Variants in DLGAP2 observed in about 807,000 individuals in gnomAD.
DLGAP2 encodes the protein DLG associated protein 2.
Under a neutral mutation model 100.3 loss-of-function variants are expected in DLGAP2, and 26 were observed. That is an observed-to-expected ratio of 0.26 (90% CI 0.19 to 0.36). The LOEUF is 0.36. Among genes scored for constraint, DLGAP2 ranks in the 10% least tolerant of loss-of-function variants. The probability of loss-of-function intolerance (pLI) is 1.00; values close to 1 mark genes in which losing one functional copy is unlikely to be tolerated. For missense variants in DLGAP2, 1,858 were observed against 1,453.2 expected (o/e 1.28, Z -4.53); for synonymous variants, 886 against 630.1 (o/e 1.41, Z -6.08).
chr8:1,417,543 G>T (rs1447462017), intron 3 of DLGAP2, among the ~76,000 whole-genome samples: 2 of 152,162 alleles, frequency 1.3e-5, no homozygotes, highest in Non-Finnish European at 2.9e-5. Context: ...GAATGCAATG[G>T]GGATCCGAAG....
chr8:1,707,322 T>C lies in DLGAP2; in HGVS notation c.*5916T>C, dbSNP rs141936048. On this transcript the variant is annotated 3_prime_UTR_variant, in exon 15 of 15. Coordinates refer to ENST00000637795, the MANE Select transcript of DLGAP2 (RefSeq NM_001346810.2). ...AGTAGACCATGGTCTCCCTAGAGAG[T>C]GTGTTGGCTTGTGTCTGCCAGTACG... is the stretch of plus-strand genomic sequence containing the variant. The C allele has an allele frequency of 8.5e-5, 13 of 152,332 alleles. No homozygotes were observed. In the East Asian group the frequency reaches 2.5e-3, roughly 29 times the overall value. The allele number at this position is 152,332 out of a possible 1,614,324, so 9.4% of individuals were successfully genotyped here.
At chr8:847,303 C>T (rs1172185252) in intron 1 of DLGAP2, among the ~76,000 whole-genome samples, 1 of 152,122 alleles carries the variant, frequency 6.6e-6, no homozygotes. Flanking sequence ...TTAATCTTTG[C>T]ACTGTTTTTA....
At chr8:1,383,352 G>A (rs566334044) in intron 3 of DLGAP2, among the ~76,000 whole-genome samples, 2 of 152,334 alleles carry the variant, frequency 1.3e-5, no homozygotes, top group East Asian at 3.9e-4. Flanking sequence ...CATGCCAGAT[G>A]CTAAAAACAT....
chr8:1,295,866 C>T (rs1294125023), intron 3 of DLGAP2, among the ~76,000 whole-genome samples: 1 of 152,122 alleles, frequency 6.6e-6, no homozygotes, highest in Non-Finnish European at 1.5e-5. Context: ...ATGGCACCTG[C>T]CTGGGAATTG....
At chr8:915,953 G>A (rs781274451) in intron 2 of DLGAP2, among the ~76,000 whole-genome samples, 20 of 147,818 alleles carry the variant, frequency 1.4e-4, no homozygotes, top group Admixed American at 5.4e-4. Flanking sequence ...TTTTCTGCCC[G>A]TCCGTCAGTT....
rs532708821 is a variant in DLGAP2 at position 1,507,188 on chromosome 8, C to T, written c.172+5757C>T. ...TCAGCCCTTGGAGGGTCAATGGGACCGGGCGCCGCGGAGCAGGGGGCAGCG... is the reference window on the plus strand; with the variant it reads ...TCAGCCCTTGGAGGGTCAATGGGACTGGGCGCCGCGGAGCAGGGGGCAGCG... On this transcript the variant is annotated intron_variant, in intron 4 of 14. Transcript: ENST00000637795. Among the ~76,000 whole-genome samples the T allele has an allele frequency of 5.9e-5, 9 of 152,328 alleles. No individual in the cohort carries two copies. The East Asian group carries it at 1.2e-3, about 20-fold the overall frequency.
intron 1 of DLGAP2, among the ~76,000 whole-genome samples, chr8:822,354 C>T (rs1052502927): frequency 1.3e-5 from 2 of 151,892 alleles, no homozygotes; most frequent in Admixed American, 6.5e-5. Context: ...AACAGGCAGC[C>T]GGGTATGGTA....
chr8:1,199,267 C>G (rs949067667), intron 2 of DLGAP2, among the ~76,000 whole-genome samples: 7 of 152,348 alleles, frequency 4.6e-5, no homozygotes, highest in East Asian at 1.9e-4. Flanking sequence ...TCGTTGAAGA[C>G]TCTGCTTCAC....
intron 8 of DLGAP2, among the ~76,000 whole-genome samples, chr8:1,637,836 G>C (rs995707189): frequency 6.6e-6 from 1 of 152,196 alleles, no homozygotes. Flanking sequence ...GGTGCTGTGA[G>C]ATGTGTGTGG....
chr8:848,247 T>A (rs1479700945), intron 1 of DLGAP2, among the ~76,000 whole-genome samples: 1 of 152,246 alleles, frequency 6.6e-6, no homozygotes, highest in Non-Finnish European at 1.5e-5. Context: ...TATAAATTGC[T>A]GAGTAGTATT....
chr8:1,166,542 G>A (rs1442960235), intron 2 of DLGAP2, among the ~76,000 whole-genome samples: 1 of 152,122 alleles, frequency 6.6e-6, no homozygotes, highest in African/African-American at 2.4e-5. Flanking sequence ...CATTTTTATA[G>A]AAGGGCAGAA....
intron 3 of DLGAP2, among the ~76,000 whole-genome samples, chr8:1,350,186 C>T (rs60102786): frequency 0.31 from 40,579 of 129,372 alleles, 6,413 homozygotes; most frequent in East Asian, 0.43. Context: ...GGAAAGGCCG[C>T]GCGGGTCCTG....
intron 1 of DLGAP2, among the ~76,000 whole-genome samples, chr8:838,127 G>C (rs1796915851): frequency 6.6e-6 from 1 of 151,954 alleles, no homozygotes; most frequent in African/African-American, 2.4e-5. Flanking sequence ...TTAAATTTAT[G>C]CAGACTCCTG....
chr8:1,675,607 G>A (rs1198022392), intron 10 of DLGAP2, among the ~76,000 whole-genome samples: 1 of 152,178 alleles, frequency 6.6e-6, no homozygotes, highest in African/African-American at 2.4e-5. Flanking sequence ...GACAGGGTCA[G>A]AAATATTTCA....
intron 2 of DLGAP2, among the ~76,000 whole-genome samples, chr8:1,043,001 G>C (rs542463508): frequency 1.5e-5 from 2 of 136,156 alleles, no homozygotes; most frequent in Non-Finnish European, 3.2e-5. Flanking sequence ...GATGTGGGTG[G>C]TGGGTGTGGG....
chr8:1,542,147 A>C (rs1418118732), intron 4 of DLGAP2, among the ~76,000 whole-genome samples: 1 of 152,242 alleles, frequency 6.6e-6, no homozygotes, highest in African/African-American at 2.4e-5. Context: ...TTCTAAAGCA[A>C]GTGAAGAAAA....
At chr8:1,275,356 G>C (rs1215585357) in intron 3 of DLGAP2, among the ~76,000 whole-genome samples, 2 of 139,642 alleles carry the variant, frequency 1.4e-5, no homozygotes, top group Non-Finnish European at 1.5e-5. Flanking sequence ...AGGGAATTTG[G>C]AATGGAAAAA....
At chr8:1,652,000 T>C (rs1253917488) in intron 8 of DLGAP2, among the ~76,000 whole-genome samples, 6 of 152,214 alleles carry the variant, frequency 3.9e-5, no homozygotes, top group African/African-American at 1.4e-4. Flanking sequence ...AGCTCGTTTC[T>C]GCAAGCCCCA....
chr8:1,586,865 A>G (rs1363682660), intron 6 of DLGAP2, among the ~76,000 whole-genome samples: 1 of 152,198 alleles, frequency 6.6e-6, no homozygotes, highest in Non-Finnish European at 1.5e-5. Context: ...GGGTAGCATC[A>G]TAAGGGGATT....
Sources: allele counts gnomAD v4.1 joint callset (sites outside exome capture counted in the v4.1 genomes callset), GRCh38; gene constraint gnomAD v4.1.1; transcripts MANE v1.5; gene names NCBI Gene and HGNC (gene_info 2026-07-23, HGNC 2026-07-21).